The following TEP1 variants were observed in gnomAD, a reference collection of about 807,000 sequenced individuals.
TEP1 encodes telomerase associated protein 1.
Under a neutral mutation model 306.3 loss-of-function variants are expected in TEP1, and 241 were observed. The ratio of observed to expected loss-of-function variants is 0.79; its 90% CI spans 0.71 to 0.88. The LOEUF is 0.88. Ranked by LOEUF, TEP1 falls within the 40% of genes least tolerant of loss-of-function variation. TEP1 has a pLI of 0.00. For synonymous variants in TEP1, 1,289 were observed against 1,305.5 expected (o/e 0.99, Z 0.27); for missense variants, 3,051 against 3,276.1 (o/e 0.93, Z 1.68).
At chr14:20,401,948 G>T (rs1292618224) in intron 7 of TEP1, among the ~76,000 whole-genome samples, 2 of 152,194 alleles carry the variant, frequency 1.3e-5, no homozygotes, top group African/African-American at 4.8e-5. Flanking sequence ...GATAAATAGA[G>T]AAACGAGCAC....
chr14:20,388,813 C>A (rs1877435875), intron 17 of TEP1, among the ~76,000 whole-genome samples: 3 of 152,152 alleles, frequency 2.0e-5, no homozygotes, highest in Admixed American at 2.0e-4. Context: ...GCTGCTATGC[C>A]TGGATGGCTG....
At chr14:20,410,567 C>T (rs1014038239) in intron 1 of TEP1, among the ~76,000 whole-genome samples, 8 of 150,344 alleles carry the variant, frequency 5.3e-5, no homozygotes, top group Middle Eastern at 3.2e-3. Context: ...GAATTACAGG[C>T]GCCCGCCACT....
At position 20,404,612 on chromosome 14, in the gene TEP1, T is replaced by G; in HGVS notation, c.1031A>C (p.Gln344Pro). 1 of 1,612,074 alleles carries G rather than the reference T, an allele frequency of 6.2e-7. No individual in the cohort carries two copies. The highest frequency in any genetic ancestry group is 8.5e-7 in the Non-Finnish European group (1 of 1,178,966). ...SDWIQVAELYQSLAEGDKNKL... is the reference protein window; with the variant it reads ...SDWIQVAELYPSLAEGDKNKL... ...AGCTCAGGGAAATGAGCACCATACCTGGTAAAGCTCAGCCACCTGGATCCA... is the reference window on the plus strand; with the variant it reads ...AGCTCAGGGAAATGAGCACCATACCGGGTAAAGCTCAGCCACCTGGATCCA... Residue 344 changes from glutamine (Q) to proline (P), a missense_variant and splice_region_variant, in exon 5 of 55, where the codon CAG (glutamine) becomes CCG (proline). This residue lies in a region of TEP1 where 1,507 missense variants were observed against 1,550.5 expected (regional missense o/e 0.97). Transcript: ENST00000262715.
chr14:20,386,224 G>C, intron 19 of TEP1, 29 bp from the exon 20 acceptor site: 1 of 1,613,484 alleles, frequency 6.2e-7, no homozygotes, highest in Non-Finnish European at 8.5e-7. Flanking sequence ...GGACGTGTGG[G>C]AGTCACTGGG....
intron 44 of TEP1, 148 bp from the exon 45 acceptor site, chr14:20,373,958 A>C: frequency 1.8e-5 from 19 of 1,049,762 alleles, no homozygotes; most frequent in Non-Finnish European, 2.6e-5. Context: ...TGGGTGGCTC[A>C]GGACAGTGGG....
In TEP1 at chr14:20,373,580, C is replaced by G; in HGVS notation, c.6608G>C (p.Gly2203Ala). ...CAAAMEPRAAGQPGSELLVVT... is the reference protein window; with the variant it reads ...CAAAMEPRAAAQPGSELLVVT... ...CACCAGAAGCTCTGACCCAGGCTGT[C>G]CAGCTGATAAGACACAGAGACTGAG... is the stretch of plus-strand genomic sequence containing the variant. Residue 2203 changes from glycine (G) to alanine (A), a missense_variant, in exon 46 of 55, where the codon GGA (glycine) becomes GCA (alanine). Physicochemically the swap from Gly to Ala is moderately conservative, Grantham distance 60 (BLOSUM62 0). Coordinates refer to ENST00000262715, the MANE Select transcript of TEP1 (RefSeq NM_007110.5). 6.2e-7 allele frequency: 1 copy of G among 1,614,186 alleles called. No individual in the cohort carries two copies. Among genetic ancestry groups the G allele is most frequent in the Non-Finnish European group, 8.5e-7 (1 of 1,180,036 alleles).
rs764411388 is a variant in TEP1 at position 20,384,119 on chromosome 14, G to A, written c.3453C>T (p.Asp1151=). ...PSPARPRLLQ[D]TVQRLMLPHG... Reference sequence around the variant, plus strand: ...GGGGCAGCATCAGCCGTTGCACTGTGTCCTGAAGAAGGCGTGGCCGGGCAG... The same window carrying A: ...GGGGCAGCATCAGCCGTTGCACTGTATCCTGAAGAAGGCGTGGCCGGGCAG... The change falls in exon 24 of 55, where the codon GAC becomes GAT. Residue 1151 remains aspartate, a synonymous_variant. Coordinates refer to ENST00000262715, the MANE Select transcript of TEP1 (RefSeq NM_007110.5). 4.3e-6 allele frequency: 7 copies of A among 1,613,968 alleles called. No homozygotes were observed. In the African/African-American group the frequency reaches 9.3e-5, roughly 22 times the overall value.
intron 1 of TEP1, among the ~76,000 whole-genome samples, chr14:20,413,196 T>C (rs1436455304): frequency 6.6e-6 from 1 of 152,078 alleles, no homozygotes; most frequent in African/African-American, 2.4e-5. Context: ...TCACGCAGTA[T>C]ACACTCCCTC....
At chr14:20,371,112 C>T (rs1197397733) in intron 51 of TEP1, 106 bp downstream of exon 51, 2 of 913,052 alleles carry the variant, frequency 2.2e-6, no homozygotes, top group Admixed American at 4.0e-5. Flanking sequence ...AGAGGATTTG[C>T]AGCCAACTGC....
Position 20,404,738 on chromosome 14 carries a change from C to T in TEP1, c.905G>A (p.Arg302Gln), listed in dbSNP as rs765839762. The change falls in exon 5 of 55, where the codon CGG becomes CAG. Residue 302 changes from arginine (R) to glutamine (Q), a missense_variant. This residue lies in a region of TEP1 where 1,507 missense variants were observed against 1,550.5 expected (regional missense o/e 0.97). Transcript: ENST00000262715. ...SLYARQQLNV[R>Q]NVANNILAIA... is the part of the protein sequence containing the mutation. ...GGCCAAGATGTTATTGGCCACATTC[C>T]GGACGTTCAGCTGCTGCCTGGCATA... The T allele has an allele frequency of 3.8e-5, 61 of 1,613,132 alleles. No homozygotes were observed. Among genetic ancestry groups the T allele is most frequent in the Non-Finnish European group, 4.4e-5 (52 of 1,179,532 alleles).
At chr14:20,369,870 G>A in intron 51 of TEP1, 91 bp from the exon 52 acceptor site, 1 of 955,008 alleles carries the variant, frequency 1.0e-6, no homozygotes, top group Non-Finnish European at 1.5e-6. Context: ...GGCTGGTCAG[G>A]AATTTTTTTT....
Position 20,377,661 on chromosome 14 carries a change from A to G in TEP1, c.5814T>C (p.Asp1938=), listed in dbSNP as rs1300564555. 1.2e-6 allele frequency: 2 copies of G among 1,613,944 alleles called. No homozygotes were observed. Among genetic ancestry groups the G allele is most frequent in the African/African-American group, 1.3e-5 (1 of 74,874 alleles). The change falls in exon 40 of 55, where the codon GAT becomes GAC. Residue 1938 remains aspartate, a synonymous_variant. Transcript: ENST00000262715. ...GATATCCAACAGCCACCCGATCACC[A>G]TCTGGGCTGAGTGCCACAGAGAGGG... ...SPALSVALSP[D]GDRVAVGYRA...
At chr14:20,389,542 G>T in intron 16 of TEP1, 68 bp downstream of exon 16, 1 of 1,590,092 alleles carries the variant, frequency 6.3e-7, no homozygotes, top group South Asian at 1.1e-5. Context: ...CCTATGCTTT[G>T]GCAGGCGTAG....
At chr14:20,385,908 T>C (rs1877103997) in intron 20 of TEP1, among the ~76,000 whole-genome samples, 167 bp downstream of exon 20, 1 of 152,228 alleles carries the variant, frequency 6.6e-6, no homozygotes, top group Admixed American at 6.5e-5. Flanking sequence ...AGGACTTTTC[T>C]CATCTAGAGC....
chr14:20,391,814 C>T, intron 12 of TEP1, 47 bp from the exon 13 acceptor site: 5 of 1,598,696 alleles, frequency 3.1e-6, no homozygotes, highest in Non-Finnish European at 3.4e-6. Context: ...GACTTATCTG[C>T]CCCTTAGAGG....
chr14:20,375,011 A>C (rs563900699), intron 43 of TEP1, among the ~76,000 whole-genome samples: 2 of 151,676 alleles, frequency 1.3e-5, no homozygotes, highest in East Asian at 3.9e-4. Flanking sequence ...GAATCATTCG[A>C]ACCTGGGAGG....
chr14:20,391,670 C>T lies in TEP1; in HGVS notation c.2026G>A (p.Gly676Ser). 1 of 1,614,180 alleles carries T rather than the reference C, an allele frequency of 6.2e-7. No homozygotes were observed. Among genetic ancestry groups the T allele is most frequent in the Non-Finnish European group, 8.5e-7 (1 of 1,180,020 alleles). ...SVKHSLPLLP[G>S]RTVLVYLTDA... ...GTCAGATAGACCAAGACAGTGCGGCCTGGCAGCAGGGGCAGGCTGTGCTTC... is the reference window on the plus strand; with the variant it reads ...GTCAGATAGACCAAGACAGTGCGGCTTGGCAGCAGGGGCAGGCTGTGCTTC... The change falls in exon 13 of 55, where the codon GGC becomes AGC. Residue 676 changes from glycine to serine, a missense_variant. Physicochemically the swap from Gly to Ser is moderately conservative, Grantham distance 56. Coordinates refer to ENST00000262715, the MANE Select transcript of TEP1 (RefSeq NM_007110.5).
chr14:20,373,851 C>T (rs769569620), intron 44 of TEP1, 41 bp from the exon 45 acceptor site: 1 of 1,597,798 alleles, frequency 6.3e-7, no homozygotes, highest in Non-Finnish European at 8.5e-7. Flanking sequence ...TCATATTGAG[C>T]AGGACATGGG....
chr14:20,403,637 T>G, intron 6 of TEP1, 86 bp downstream of exon 6: 2 of 1,599,774 alleles, frequency 1.3e-6, no homozygotes, highest in Non-Finnish European at 1.7e-6. Context: ...GCTCCTGGTG[T>G]GGGACTCCCC....
Sources: allele counts gnomAD v4.1 joint callset (sites outside exome capture counted in the v4.1 genomes callset), GRCh38; gene constraint gnomAD v4.1.1; regional missense constraint gnomAD v4.1.1; transcripts MANE v1.5; gene names NCBI Gene and HGNC (gene_info 2026-07-23, HGNC 2026-07-21).